The following TRHDE variants were observed in gnomAD, a reference collection of about 807,000 sequenced individuals.
The protein encoded by TRHDE is thyrotropin releasing hormone degrading enzyme, also known as thyrotropin-releasing hormone-degrading ectoenzyme.
In TRHDE, 72 loss-of-function variants were observed where a neutral mutation model predicts 125.7. The observed-to-expected ratio is 0.57, with a 90% CI of 0.47 to 0.70. TRHDE has a LOEUF of 0.70. TRHDE is among the 30% of genes least tolerant of loss of function. The pLI is 0.00. For missense variants in TRHDE, 1,110 were observed against 1,327.1 expected, an observed-to-expected ratio of 0.84 and a Z score of 2.54; for synonymous variants, 509 against 509.1, an observed-to-expected ratio of 1.00 and a Z score of 0.00.
At chr12:72,155,493 C>G (rs553002981) in intron 2 of TRHDE, among the ~76,000 whole-genome samples, 1 of 152,288 alleles carries the variant, frequency 6.6e-6, no homozygotes, top group Admixed American at 6.5e-5. Flanking sequence ...TCCGGTTTTT[C>G]TGCTCTGTTT....
chr12:72,276,563 A>G (rs1879495228), intron 1 of TRHDE, among the ~76,000 whole-genome samples: 1 of 152,030 alleles, frequency 6.6e-6, no homozygotes, highest in Non-Finnish European at 1.5e-5. Context: ...TATACCTTGG[A>G]CCCCTGGAAG....
chr12:72,543,710 T>A (rs1490087377), intron 7 of TRHDE, among the ~76,000 whole-genome samples: 1 of 151,190 alleles, frequency 6.6e-6, no homozygotes, highest in African/African-American at 2.4e-5. Context: ...AAATTCTTAT[T>A]GTTTTTCTTC....
At position 72,273,730 on chromosome 12, in the gene TRHDE, C is replaced by CT; in HGVS notation, c.914+174dup. 1 of 593,108 alleles carries CT rather than the reference C, an allele frequency of 1.7e-6. No homozygotes were observed. Among genetic ancestry groups the CT allele is most frequent in the East Asian group, 2.8e-5 (1 of 36,178 alleles). The allele number at this position is 593,108 out of a possible 1,614,324, so 36.7% of individuals were successfully genotyped here. A position where few individuals can be genotyped will look rare whatever the true frequency, so the allele number is the denominator to read the frequency against. ...CAGAACTCCGGGGTCTCCCAGATGC[C>CT]TCGGGGTCTCGCTGCCGCCAACTTC... On this transcript the variant is annotated intron_variant, in intron 1 of 18. Coordinates refer to ENST00000261180, the MANE Select transcript of TRHDE (RefSeq NM_013381.3). The surrounding 1 kb of genome is among the most constrained non-coding windows in gnomAD (Gnocchi z 5.3).
At chr12:72,585,794 AT>A (rs2136041884) in intron 12 of TRHDE, among the ~76,000 whole-genome samples, 1 of 152,328 alleles carries the variant, frequency 6.6e-6, no homozygotes, top group African/African-American at 2.4e-5. Flanking sequence ...TAAAAGCCTC[AT>A]TTTTATAAAG....
intron 3 of TRHDE, among the ~76,000 whole-genome samples, chr12:72,433,087 A>G (rs1592440986): frequency 6.6e-6 from 1 of 152,108 alleles, no homozygotes; most frequent in African/African-American, 2.4e-5. Flanking sequence ...CTTTATTTAT[A>G]TAGTGTATTA....
chr12:72,569,273 T>G (rs1870608528), intron 10 of TRHDE, among the ~76,000 whole-genome samples: 1 of 152,212 alleles, frequency 6.6e-6, no homozygotes, highest in African/African-American at 2.4e-5. Flanking sequence ...ACTATAGCCT[T>G]CATTCTACAG....
chr12:72,508,982 A>T (rs748693433), intron 6 of TRHDE, among the ~76,000 whole-genome samples: 1 of 152,044 alleles, frequency 6.6e-6, no homozygotes, highest in Non-Finnish European at 1.5e-5. Flanking sequence ...AGGCCTCCAC[A>T]GCCATGCTTC....
At chr12:72,359,938 A>C (rs1870993062) in intron 2 of TRHDE, among the ~76,000 whole-genome samples, 1 of 151,724 alleles carries the variant, frequency 6.6e-6, no homozygotes, top group African/African-American at 2.4e-5. Flanking sequence ...ATAGGAGACT[A>C]TGAAGAGGCC....
rs944927100 is a variant in TRHDE at position 72,664,181 on chromosome 12, C to T, written c.*986C>T. 2 of 152,408 alleles carry T rather than the reference C, an allele frequency of 1.3e-5. No homozygotes were observed. The highest frequency in any genetic ancestry group is 2.4e-5 in the African/African-American group (1 of 41,422). The allele number at this position is 152,408 out of a possible 1,614,324, so 9.4% of individuals were successfully genotyped here. ...CAGTCTTGCCTATAGATTTTGCCAT[C>T]GTTTTCTGTCAAAGTTCCTTTTGCA... is the stretch of plus-strand genomic sequence containing the variant. On this transcript the variant is annotated 3_prime_UTR_variant, in exon 19 of 19. Coordinates refer to ENST00000261180, the MANE Select transcript of TRHDE (RefSeq NM_013381.3).
At chr12:72,193,861 C>T (rs1247951963) in intron 2 of TRHDE, among the ~76,000 whole-genome samples, 3 of 152,148 alleles carry the variant, frequency 2.0e-5, no homozygotes, top group African/African-American at 7.2e-5. Flanking sequence ...AGGATCCACA[C>T]TTCCCTTCCA....
At chr12:72,652,527 A>T (rs1874548097) in intron 16 of TRHDE, 38 bp downstream of exon 16, 1 of 1,510,300 alleles carries the variant, frequency 6.6e-7, no homozygotes, top group Admixed American at 2.0e-5. Flanking sequence ...TTCTCTAATG[A>T]AAGTATTCTG....
intron 6 of TRHDE, among the ~76,000 whole-genome samples, chr12:72,520,496 C>T (rs1188243389): frequency 6.6e-6 from 1 of 152,028 alleles, no homozygotes; most frequent in Non-Finnish European, 1.5e-5. Flanking sequence ...CGCCCTGCTT[C>T]TGCTTGCGCA....
intron 2 of TRHDE, among the ~76,000 whole-genome samples, chr12:72,296,607 G>C (rs888576839): frequency 6.6e-5 from 10 of 152,102 alleles, no homozygotes; most frequent in African/African-American, 2.4e-4. Flanking sequence ...TGCCTTTATT[G>C]CTTTTATGAT....
At chr12:72,154,174 C>G (rs1235022757) in intron 2 of TRHDE, among the ~76,000 whole-genome samples, 1 of 152,008 alleles carries the variant, frequency 6.6e-6, no homozygotes, top group African/African-American at 2.4e-5. Flanking sequence ...CTCTTTTGAT[C>G]TTTGTTGGTT....
intron 5 of TRHDE, among the ~76,000 whole-genome samples, chr12:72,475,361 G>A (rs537200579): frequency 4.6e-5 from 7 of 152,114 alleles, no homozygotes; most frequent in East Asian, 3.9e-4. Context: ...TTATGCATAG[G>A]TGTTGCTTTT....
At position 72,562,913 on chromosome 12, in the gene TRHDE, C is replaced by A. The variant is rs768289445; in HGVS notation, c.1915C>A (p.Gln639Lys). The A allele has an allele frequency of 4.3e-6, 7 of 1,609,820 alleles. No homozygotes were observed. Among genetic ancestry groups the A allele is most frequent in the Non-Finnish European group, 5.9e-6 (7 of 1,178,238 alleles). Residue 639 changes from glutamine (Q) to lysine (K), a missense_variant, in exon 9 of 19, where the codon CAG becomes AAG. Coordinates refer to ENST00000261180, the MANE Select transcript of TRHDE (RefSeq NM_013381.3). ...IQEVMDQWTL[Q>K]MGYPVITILG... is the part of the protein sequence containing the mutation. ...AGAAGTAATGGATCAGTGGACACTC[C>A]AGATGGGTTATCCTGTTATCACCAT... is the stretch of plus-strand genomic sequence containing the variant.
intron 1 of TRHDE, 142 bp from the exon 2 acceptor site, chr12:72,286,539 C>T (rs1328709639): frequency 8.3e-6 from 6 of 719,256 alleles, no homozygotes; most frequent in Non-Finnish European, 1.1e-5. Flanking sequence ...TGCTTTCATG[C>T]TATTCATGCA....
rs193066791 is a variant in TRHDE, at chr12:72,575,045, C to T, written c.2132-210C>T. ...AACAAAAATGCTAATTATAAGAAAACAATTAATTGAGATGATAGTGAGTAA... is the reference window on the plus strand; with the variant it reads ...AACAAAAATGCTAATTATAAGAAAATAATTAATTGAGATGATAGTGAGTAA... On this transcript the variant is annotated intron_variant, in intron 10 of 18. Transcript: ENST00000261180. Among the ~76,000 whole-genome samples the T allele has an allele frequency of 6.8e-3, 1,032 of 152,056 alleles. 9 individuals are homozygous for T. Among genetic ancestry groups the T allele is most frequent in the Middle Eastern group, 0.024 (7 of 294 alleles).
At chr12:72,282,542 G>C (rs1013608767) in intron 1 of TRHDE, among the ~76,000 whole-genome samples, 3 of 152,270 alleles carry the variant, frequency 2.0e-5, no homozygotes, top group African/African-American at 7.2e-5. Context: ...ACCGGAAACT[G>C]GCTCTCTCTG....
Sources: allele counts gnomAD v4.1 joint callset (sites outside exome capture counted in the v4.1 genomes callset), GRCh38; gene constraint gnomAD v4.1.1; non-coding constraint Gnocchi (gnomAD v3.1); transcripts MANE v1.5; gene names NCBI Gene and HGNC (gene_info 2026-07-23, HGNC 2026-07-21).